Variants in MORC1 observed in about 807,000 individuals in gnomAD.
MORC1 encodes the protein MORC family CW-type zinc finger 1.
MORC1 carries 59 observed loss-of-function variants against 134.9 expected under a neutral mutation model. That is an observed-to-expected ratio of 0.44 (90% CI 0.35 to 0.54). The LOEUF is 0.54. Ranked by LOEUF, MORC1 falls within the 20% of genes least tolerant of loss-of-function variation. MORC1 has a pLI of 0.00. For missense variants in MORC1, 947 were observed against 1,134.5 expected (o/e 0.83, Z 2.37); for synonymous variants, 395 against 391.7 (o/e 1.01, Z -0.10).
intron 17 of MORC1, among the ~76,000 whole-genome samples, chr3:109,011,252 C>T (rs1191186822): frequency 2.6e-5 from 4 of 152,136 alleles, no homozygotes; most frequent in African/African-American, 9.7e-5. Flanking sequence ...CCCTGCCAAA[C>T]TGTTTTCCTA....
intron 5 of MORC1, among the ~76,000 whole-genome samples, chr3:109,099,863 A>T (rs1370783456): frequency 6.6e-6 from 1 of 152,234 alleles, no homozygotes; most frequent in Non-Finnish European, 1.5e-5. Flanking sequence ...ACAAAGCACT[A>T]AAGTACAGGG....
Position 108,971,339 on chromosome 3 carries a change from T to C in MORC1, c.2541A>G (p.Leu847=), listed in dbSNP as rs2107394737. 1 of 1,613,394 alleles carries C rather than the reference T, an allele frequency of 6.2e-7. No individual in the cohort carries two copies. The highest frequency in any genetic ancestry group is 1.1e-5 in the South Asian group (1 of 91,010). ...QLPSELEEPA[L]SCELEQCPEQ... ...AAAAAAACCAGCTTACCTCACAACT[T>C]AATGCAGGTTCTTCCAATTCTGATG... The change falls in exon 25 of 28, where the codon TTA becomes TTG. Residue 847 remains leucine (L), a synonymous_variant. Transcript: ENST00000232603.
chr3:108,971,474 G>T, intron 24 of MORC1, 72 bp from the exon 25 acceptor site: 1 of 1,341,586 alleles, frequency 7.5e-7, no homozygotes, highest in Non-Finnish European at 1.1e-6. Context: ...GTCAGAACTG[G>T]GTTTGTCTCC....
chr3:109,035,807 A>G (rs187951796), intron 14 of MORC1, among the ~76,000 whole-genome samples: 1 of 152,302 alleles, frequency 6.6e-6, no homozygotes, highest in East Asian at 1.9e-4. Context: ...CATTCCCAGG[A>G]AAGACTGTAC....
intron 22 of MORC1, among the ~76,000 whole-genome samples, chr3:108,985,549 A>G (rs1174251171): frequency 6.6e-6 from 1 of 152,138 alleles, no homozygotes; most frequent in Non-Finnish European, 1.5e-5. Context: ...GATCTGCCTG[A>G]CCCTTTTAAG....
At chr3:109,033,543 G>A (rs753566616) in intron 15 of MORC1, among the ~76,000 whole-genome samples, 3 of 152,058 alleles carry the variant, frequency 2.0e-5, no homozygotes, top group Non-Finnish European at 2.9e-5. Context: ...CACTGCTAAC[G>A]GCTCGTAGGT....
At chr3:109,088,684 C>T (rs1411374216) in intron 8 of MORC1, among the ~76,000 whole-genome samples, 2 of 152,018 alleles carry the variant, frequency 1.3e-5, no homozygotes, top group African/African-American at 2.4e-5. Context: ...GTAGAACTAC[C>T]GTTCAACCCA....
intron 15 of MORC1, among the ~76,000 whole-genome samples, chr3:109,034,522 A>G (rs1949326373): frequency 6.6e-6 from 1 of 152,172 alleles, no homozygotes. Context: ...AAGAATCTCT[A>G]ACACCTTTAC....
chr3:108,997,046 A>G (rs953743503), intron 21 of MORC1, among the ~76,000 whole-genome samples: 1 of 147,848 alleles, frequency 6.8e-6, no homozygotes, highest in African/African-American at 2.5e-5. Context: ...ATGCTGTGGA[A>G]GCAATACCAA....
intron 8 of MORC1, among the ~76,000 whole-genome samples, chr3:109,071,134 A>T (rs1950306986): frequency 6.6e-6 from 1 of 152,178 alleles, no homozygotes; most frequent in Non-Finnish European, 1.5e-5. Flanking sequence ...TTACCTTGGG[A>T]TGCTTGCCAT....
chr3:108,985,718 C>T (rs1947877743), intron 22 of MORC1, among the ~76,000 whole-genome samples: 1 of 152,064 alleles, frequency 6.6e-6, no homozygotes, highest in South Asian at 2.1e-4. Flanking sequence ...CCTGCCAAAC[C>T]TAGGATGAGT....
chr3:109,115,748 T>C (rs1951258177), intron 1 of MORC1, among the ~76,000 whole-genome samples: 1 of 152,230 alleles, frequency 6.6e-6, no homozygotes, highest in Non-Finnish European at 1.5e-5. Flanking sequence ...TGTGCCAATG[T>C]GTACAGGCAG....
intron 10 of MORC1, among the ~76,000 whole-genome samples, chr3:109,062,740 C>T (rs1019991564): frequency 5.3e-5 from 8 of 152,016 alleles, no homozygotes; most frequent in Non-Finnish European, 1.2e-4. Context: ...CTATGACAAG[C>T]AGGGTTTCTT....
intron 8 of MORC1, among the ~76,000 whole-genome samples, chr3:109,070,914 A>G (rs1216743523): frequency 6.6e-6 from 1 of 152,200 alleles, no homozygotes; most frequent in East Asian, 1.9e-4. Context: ...ATAAGTCTTG[A>G]GCAGAATTTT....
chr3:109,065,836 A>G (rs928099947), intron 9 of MORC1, among the ~76,000 whole-genome samples: 1 of 152,238 alleles, frequency 6.6e-6, no homozygotes, highest in African/African-American at 2.4e-5. Flanking sequence ...CTACACAGCC[A>G]TAAAAAAGAA....
intron 8 of MORC1, among the ~76,000 whole-genome samples, chr3:109,078,741 T>C (rs1380496281): frequency 6.6e-6 from 1 of 151,914 alleles, no homozygotes. Context: ...AACTGTTTTA[T>C]TTTTAAAGTC....
chr3:109,066,162 TATCTAA>T (rs1950191044), intron 9 of MORC1, among the ~76,000 whole-genome samples: 1 of 152,142 alleles, frequency 6.6e-6, no homozygotes, highest in Non-Finnish European at 1.5e-5. Context: ...GTACCTCCTG[TATCTAA>T]AAGTTGAAAT....
intron 8 of MORC1, among the ~76,000 whole-genome samples, chr3:109,090,604 G>A (rs1197865087): frequency 9.0e-6 from 1 of 110,826 alleles, no homozygotes; most frequent in African/African-American, 3.7e-5. Context: ...TGGGCAACAA[G>A]AGCAAAACTC....
intron 3 of MORC1, 145 bp downstream of exon 3, chr3:109,110,604 C>T (rs371693531): frequency 2.9e-5 from 19 of 658,638 alleles, no homozygotes; most frequent in African/African-American, 1.9e-4. Context: ...ACCCTGGCTC[C>T]CCACAGGGTC....
Sources: allele counts gnomAD v4.1 joint callset (sites outside exome capture counted in the v4.1 genomes callset), GRCh38; gene constraint gnomAD v4.1.1; transcripts MANE v1.5; gene names NCBI Gene and HGNC (gene_info 2026-07-23, HGNC 2026-07-21).